PCDH15: variants seen among roughly 807,000 people sequenced by gnomAD.
PCDH15 encodes the protein protocadherin related 15.
In PCDH15, 129 loss-of-function variants were observed where a neutral mutation model predicts 178.5. The observed-to-expected ratio is 0.72, with a 90% CI of 0.63 to 0.84. The LOEUF is 0.84. Ranked by LOEUF, PCDH15 falls within the 40% of genes least tolerant of loss-of-function variation. The pLI, the probability that PCDH15 is intolerant of heterozygous loss-of-function variation, is 0.00. For synonymous variants in PCDH15, 800 were observed against 732.0 expected (o/e 1.09, Z -1.50); for missense variants, 2,230 against 2,099.9 (o/e 1.06, Z -1.21).
chr10:54,810,411 G>A (rs939431678), intron 3 of PCDH15, among the ~76,000 whole-genome samples: 4 of 152,106 alleles, frequency 2.6e-5, no homozygotes, highest in Non-Finnish European at 4.4e-5. Flanking sequence ...CTATTAAGGA[G>A]TGAGTGCCTC....
chr10:55,157,861 G>T (rs1441507690), intron 2 of PCDH15, among the ~76,000 whole-genome samples: 1 of 151,846 alleles, frequency 6.6e-6, no homozygotes, highest in African/African-American at 2.4e-5. Context: ...TGTAAATGAC[G>T]AGTAAATGGG....
chr10:54,978,615 A>G (rs1298136008), intron 2 of PCDH15, among the ~76,000 whole-genome samples: 1 of 152,132 alleles, frequency 6.6e-6, no homozygotes, highest in African/African-American at 2.4e-5. Flanking sequence ...AAGTGGGTCT[A>G]TCTCTCTGTT....
At chr10:55,306,346 C>A (rs188954899) in intron 1 of PCDH15, among the ~76,000 whole-genome samples, 1 of 152,290 alleles carries the variant, frequency 6.6e-6, no homozygotes, top group Non-Finnish European at 1.5e-5. Context: ...TTGGGCTTTG[C>A]GATGAAATGT....
intron 28 of PCDH15, 109 bp downstream of exon 28, chr10:53,857,066 T>C: frequency 1.2e-6 from 1 of 807,118 alleles, no homozygotes; most frequent in South Asian, 1.6e-5. Flanking sequence ...AATATATCCA[T>C]GTAACACACC....
chr10:54,339,364 A>AAAC (rs1490513484), intron 6 of PCDH15, among the ~76,000 whole-genome samples: 3 of 110,094 alleles, frequency 2.7e-5, no homozygotes, highest in South Asian at 5.4e-4. Flanking sequence ...GGCATTAAAC[A>AAAC]AAAAAAAAAA....
intron 3 of PCDH15, among the ~76,000 whole-genome samples, chr10:54,869,635 T>C (rs906924029): frequency 6.6e-6 from 1 of 152,206 alleles, no homozygotes; most frequent in Non-Finnish European, 1.5e-5. Context: ...ATAAGAATTG[T>C]ATTTTCTTCA....
chr10:54,138,788 A>G (rs1183872060), intron 14 of PCDH15, among the ~76,000 whole-genome samples: 2 of 152,190 alleles, frequency 1.3e-5, no homozygotes, highest in Non-Finnish European at 2.9e-5. Flanking sequence ...AAGTGTGGCT[A>G]TGTAAACCAG....
intron 28 of PCDH15, among the ~76,000 whole-genome samples, chr10:53,847,871 G>A (rs2078079215): frequency 6.6e-6 from 1 of 151,492 alleles, no homozygotes; most frequent in East Asian, 1.9e-4. Context: ...GTGAATCATT[G>A]TAAACTACTT....
chr10:54,155,733 G>T (rs891294956), intron 13 of PCDH15, among the ~76,000 whole-genome samples: 3 of 149,696 alleles, frequency 2.0e-5, no homozygotes, highest in African/African-American at 7.4e-5. Context: ...AGAGGCAGAG[G>T]TTGCAGTGAC....
intron 1 of PCDH15, among the ~76,000 whole-genome samples, chr10:55,239,641 G>A (rs1047649985): frequency 2.0e-5 from 3 of 152,052 alleles, no homozygotes; most frequent in Non-Finnish European, 4.4e-5. Flanking sequence ...AAGATTTCTT[G>A]AGTAATACCT....
rs555586569 is a variant in PCDH15, at chr10:55,442,396, TG to T, written c.-156+185228del. ...TTTTTTTTAATTACCAAAAAGGCAA[TG>T]TTTATTTCTGGTTTTCACAAACTTA... is the stretch of plus-strand genomic sequence containing the variant. On this transcript the variant is annotated intron_variant, in intron 2 of 5. Coordinates refer to the PCDH15 transcript ENST00000613346. 7.2e-4 allele frequency among the ~76,000 whole-genome samples: 106 copies of T among 147,094 alleles called. 1 individual carries two copies. Among genetic ancestry groups the T allele is most frequent in the Non-Finnish European group, 1.4e-3 (92 of 67,142 alleles).
intron 2 of PCDH15, among the ~76,000 whole-genome samples, chr10:54,611,107 C>A (rs1054208578): frequency 2.0e-5 from 3 of 151,688 alleles, no homozygotes; most frequent in Admixed American, 6.6e-5. Flanking sequence ...GAAATAAACA[C>A]AGTTTAGCAT....
intron 26 of PCDH15, among the ~76,000 whole-genome samples, chr10:53,893,047 A>G (rs947403340): frequency 6.6e-6 from 1 of 152,202 alleles, no homozygotes; most frequent in Non-Finnish European, 1.5e-5. Flanking sequence ...CACAATTTGT[A>G]TTGCATTCAT....
At chr10:55,434,687 C>A (rs1838995974) in intron 2 of PCDH15, among the ~76,000 whole-genome samples, 1 of 151,490 alleles carries the variant, frequency 6.6e-6, no homozygotes, top group South Asian at 2.1e-4. Context: ...CTCACTGCAA[C>A]CTCTGCCTCC....
intron 3 of PCDH15, among the ~76,000 whole-genome samples, chr10:54,511,085 G>A (rs1372740999): frequency 3.3e-5 from 5 of 152,116 alleles, no homozygotes; most frequent in Non-Finnish European, 7.4e-5. Flanking sequence ...GAATGTAAAC[G>A]TGATTTAAAA....
At chr10:54,664,387 C>A (rs954208618) in intron 1 of PCDH15, 97 bp from the exon 2 acceptor site, 2 of 763,966 alleles carry the variant, frequency 2.6e-6, no homozygotes, top group African/African-American at 1.7e-5. Context: ...TTAATGACTT[C>A]ATAGTTAATT....
intron 2 of PCDH15, among the ~76,000 whole-genome samples, chr10:54,585,208 A>T (rs1043833570): frequency 6.6e-6 from 1 of 152,074 alleles, no homozygotes; most frequent in African/African-American, 2.4e-5. Flanking sequence ...CCAGTGCACA[A>T]TTCAAATATA....
At chr10:55,219,243 T>C (rs1840799126) in intron 1 of PCDH15, among the ~76,000 whole-genome samples, 1 of 151,954 alleles carries the variant, frequency 6.6e-6, no homozygotes, top group Non-Finnish European at 1.5e-5. Context: ...AACGTGGCTA[T>C]ACATCCTGTT....
chr10:54,196,791 G>T (rs1564655744), intron 10 of PCDH15, among the ~76,000 whole-genome samples: 1 of 152,206 alleles, frequency 6.6e-6, no homozygotes, highest in East Asian at 1.9e-4. Context: ...TTATAGAAAA[G>T]GGTCTAGAGG....
Sources: allele counts gnomAD v4.1 joint callset (sites outside exome capture counted in the v4.1 genomes callset), GRCh38; gene constraint gnomAD v4.1.1; transcripts MANE v1.5; gene names NCBI Gene and HGNC (gene_info 2026-07-23, HGNC 2026-07-21).